HPSE2: variants seen among roughly 807,000 people sequenced by gnomAD.
HPSE2 encodes inactive heparanase-2.
Under a neutral mutation model 60.5 loss-of-function variants are expected in HPSE2, and 38 were observed. The ratio of observed to expected loss-of-function variants is 0.63; its 90% CI spans 0.48 to 0.82. HPSE2 has a LOEUF of 0.82. HPSE2 is among the 40% of genes least tolerant of loss of function. The probability of loss-of-function intolerance (pLI) is 0.00; values close to 1 mark genes in which losing one functional copy is unlikely to be tolerated. For synonymous variants in HPSE2, 295 were observed against 293.2 expected, an observed-to-expected ratio of 1.01 and a Z score of -0.06; for missense variants, 713 against 740.4, an observed-to-expected ratio of 0.96 and a Z score of 0.43.
intron 3 of HPSE2, among the ~76,000 whole-genome samples, chr10:99,017,829 T>C (rs2135417961): frequency 6.6e-6 from 1 of 152,338 alleles, no homozygotes; most frequent in South Asian, 2.1e-4. Context: ...ATATATGCTT[T>C]CAATACACAT....
At chr10:99,249,720 AT>A in the HPSE2 span, among the ~76,000 whole-genome samples, 11 of 152,154 alleles carry the variant, frequency 7.2e-5, no homozygotes, top group African/African-American at 2.7e-4. Flanking sequence ...CCCTGCCCAA[AT>A]CTCAATTTGA....
At chr10:98,811,000 C>A (rs191987378) in intron 3 of HPSE2, among the ~76,000 whole-genome samples, 1 of 151,982 alleles carries the variant, frequency 6.6e-6, no homozygotes, top group African/African-American at 2.4e-5. Flanking sequence ...GGCTTCCTAC[C>A]GCTCTTAAGA....
At chr10:98,843,695 AT>A (rs1325890083) in intron 3 of HPSE2, among the ~76,000 whole-genome samples, 1 of 152,162 alleles carries the variant, frequency 6.6e-6, no homozygotes, top group Non-Finnish European at 1.5e-5. Context: ...AAAAACCAGC[AT>A]TTTACAACAA....
At position 99,058,606 on chromosome 10, in the gene HPSE2, C is replaced by T. The variant is rs1244095805; in HGVS notation, c.610+85632G>A. 4.6e-5 allele frequency among the ~76,000 whole-genome samples: 7 copies of T among 152,336 alleles called. No homozygotes were observed. In the East Asian group the frequency reaches 1.4e-3, roughly 29 times the overall value. On this transcript the variant is annotated intron_variant, in intron 3 of 11. Coordinates refer to ENST00000370552, the MANE Select transcript of HPSE2 (RefSeq NM_021828.5). ...TAGGTATTGCCAAATGGAGAGCCTA[C>T]ATACTGAGATCCTCAGCTCTTTCCA...
intron 3 of HPSE2, among the ~76,000 whole-genome samples, chr10:98,874,498 A>C (rs1333274052): frequency 6.6e-6 from 1 of 152,086 alleles, no homozygotes; most frequent in Non-Finnish European, 1.5e-5. Context: ...TATCAGCTTA[A>C]GGAATGTTTG....
intron 3 of HPSE2, among the ~76,000 whole-genome samples, chr10:98,770,622 T>G (rs1020508908): frequency 2.6e-5 from 4 of 152,106 alleles, no homozygotes; most frequent in African/African-American, 9.7e-5. Context: ...GGAAATGCCC[T>G]AGTCTAAGAT....
intron 10 of HPSE2, among the ~76,000 whole-genome samples, chr10:98,485,678 A>C (rs545587659): frequency 6.6e-6 from 1 of 152,376 alleles, no homozygotes; most frequent in East Asian, 1.9e-4. Context: ...TGAGGAAGAC[A>C]CCATTAATTG....
At chr10:98,933,193 C>A (rs1452025526) in intron 3 of HPSE2, among the ~76,000 whole-genome samples, 1 of 141,264 alleles carries the variant, frequency 7.1e-6, no homozygotes, top group Non-Finnish European at 1.5e-5. Context: ...CAAAGAACTT[C>A]TTGATTTCTG....
intron 8 of HPSE2, 71 bp from the exon 9 acceptor site, chr10:98,615,089 G>T (rs1176760107): frequency 1.4e-5 from 15 of 1,087,456 alleles, no homozygotes; most frequent in Non-Finnish European, 2.0e-5. Flanking sequence ...TATAGAGACT[G>T]GCTACTATAT....
chr10:99,257,358 G>C, the HPSE2 span, among the ~76,000 whole-genome samples: 1 of 152,290 alleles, frequency 6.6e-6, no homozygotes, highest in Non-Finnish European at 1.5e-5. Flanking sequence ...GCAAATGGGA[G>C]AAATATCACT....
intron 9 of HPSE2, among the ~76,000 whole-genome samples, chr10:98,591,691 A>C (rs1223943389): frequency 6.6e-6 from 1 of 152,038 alleles, no homozygotes; most frequent in African/African-American, 2.4e-5. Context: ...TAAATAAATA[A>C]ATCAGGATAT....
chr10:98,831,010 CT>C (rs1415354710), intron 3 of HPSE2, among the ~76,000 whole-genome samples: 8 of 152,148 alleles, frequency 5.3e-5, no homozygotes, highest in African/African-American at 1.7e-4. Flanking sequence ...TTAATTTAGT[CT>C]GCTCCAGATG....
chr10:98,688,139 C>G (rs530659288), intron 6 of HPSE2, among the ~76,000 whole-genome samples: 1 of 151,942 alleles, frequency 6.6e-6, no homozygotes, highest in Admixed American at 6.6e-5. Context: ...ATAATTTTCA[C>G]CCTTGCTTAT....
At chr10:98,609,841 T>TC (rs200308734) in intron 9 of HPSE2, among the ~76,000 whole-genome samples, 3,251 of 121,892 alleles carry the variant, frequency 0.027, 81 homozygotes, top group East Asian at 0.16. Flanking sequence ...TTCTTCTTCT[T>TC]TTTTTTTTTT....
intron 3 of HPSE2, among the ~76,000 whole-genome samples, chr10:99,008,764 C>A (rs565453037): frequency 6.6e-6 from 1 of 152,114 alleles, no homozygotes; most frequent in Non-Finnish European, 1.5e-5. Flanking sequence ...TGTTTCAATT[C>A]TAAAGCAGCC....
At chr10:99,012,956 A>G in intron 3 of HPSE2, 1 of 313,970 alleles carries the variant, frequency 3.2e-6, no homozygotes. Context: ...CTTTGTTTTC[A>G]AATAAGTGGT....
At chr10:98,498,293 G>A (rs937344994) in intron 9 of HPSE2, among the ~76,000 whole-genome samples, 1 of 152,158 alleles carries the variant, frequency 6.6e-6, no homozygotes, top group African/African-American at 2.4e-5. Context: ...CCATGGCTGA[G>A]GGACCCATAG....
chr10:99,255,595 CG>C, the HPSE2 span, among the ~76,000 whole-genome samples: 3 of 147,370 alleles, frequency 2.0e-5, no homozygotes, highest in East Asian at 2.0e-4. Flanking sequence ...CACACACACA[CG>C]ACTACAATAG....
At chr10:99,009,171 A>T (rs1178565337) in intron 3 of HPSE2, among the ~76,000 whole-genome samples, 1 of 138,134 alleles carries the variant, frequency 7.2e-6, no homozygotes, top group Non-Finnish European at 1.5e-5. Flanking sequence ...TGGAAAGCTG[A>T]GGTAGGAGGA....
Sources: gnomAD v4.1 joint callset for allele counts (sites outside exome capture counted in the v4.1 genomes callset) on GRCh38, gnomAD v4.1.1 for gene constraint, MANE v1.5 for transcripts, NCBI Gene and HGNC (gene_info 2026-07-23, HGNC 2026-07-21) for gene names.